MIB1: variants seen among roughly 807,000 people sequenced by gnomAD.
MIB1 encodes MIB E3 ubiquitin protein ligase 1.
MIB1 carries 278 observed loss-of-function variants against 124.5 expected under a neutral mutation model. That is an observed-to-expected ratio of 2.23 (90% CI 2.02 to 2.47). The LOEUF is 2.47. Among genes scored for constraint, MIB1 ranks in the 30% most tolerant of loss-of-function variants. The pLI is 0.00. For missense variants in MIB1, 957 were observed against 1,254.4 expected (o/e 0.76, Z 3.58); for synonymous variants, 446 against 429.4 (o/e 1.04, Z -0.48).
intron 10 of MIB1, among the ~76,000 whole-genome samples, chr18:21,806,907 C>T (rs142374923): frequency 7.5e-4 from 115 of 152,338 alleles, no homozygotes; most frequent in African/African-American, 2.7e-3. Context: ...AGGCGTGAGC[C>T]ACCGTGCCCA....
intron 7 of MIB1, among the ~76,000 whole-genome samples, chr18:21,792,758 G>A (rs1034113878): frequency 1.3e-5 from 2 of 152,120 alleles, no homozygotes; most frequent in African/African-American, 4.8e-5. Context: ...TCAGAGGTGC[G>A]ATTCTGAACT....
intron 1 of MIB1, among the ~76,000 whole-genome samples, chr18:21,762,117 AAAAATACTACTTC>A (rs2041105205): frequency 6.6e-6 from 1 of 152,362 alleles, no homozygotes; most frequent in Admixed American, 6.5e-5. Context: ...GGCACAGATT[AAAAATACTACTTC>A]AGTGCATGTT....
intron 15 of MIB1, among the ~76,000 whole-genome samples, chr18:21,844,718 T>C (rs1320949302): frequency 2.0e-5 from 3 of 152,008 alleles, no homozygotes; most frequent in Admixed American, 2.0e-4. Flanking sequence ...CCTGAGCCAC[T>C]GCGCCCAGCC....
intron 13 of MIB1, among the ~76,000 whole-genome samples, chr18:21,839,610 T>C (rs2042063717): frequency 6.6e-6 from 1 of 152,158 alleles, no homozygotes; most frequent in Admixed American, 6.5e-5. Flanking sequence ...GCTCAAGCAG[T>C]CCTCCTGCCT....
chr18:21,716,779 G>C (rs1044248689), intron 1 of MIB1, among the ~76,000 whole-genome samples: 1 of 152,176 alleles, frequency 6.6e-6, no homozygotes, highest in Non-Finnish European at 1.5e-5. Flanking sequence ...GTGAAGCCGG[G>C]AGGTGGAGCT....
intron 2 of MIB1, 119 bp downstream of exon 2, chr18:21,766,062 G>C: frequency 1.1e-6 from 1 of 915,174 alleles, no homozygotes; most frequent in Non-Finnish European, 1.7e-6. Flanking sequence ...ACTAACAGGA[G>C]GTACCCAATA....
In MIB1 at chr18:21,843,154, GA is replaced by G. The variant is rs1339235002; in HGVS notation, c.1988del (p.Asn663MetfsTer2). 2 of 1,602,158 alleles carry G rather than the reference GA, an allele frequency of 1.2e-6. No individual in the cohort carries two copies. ...HQGNANLDIQNVNQQTALHLA... is the reference protein window; with the variant it reads ...HQGNANLDIQXVNQQTALHLA... ...AGGGTAATGCAAACCTGGATATCCA[GA>G]ATGTGAACCAACAAACTGCCCTACA... On this transcript the variant is annotated frameshift_variant, in exon 14 of 21. Coordinates refer to ENST00000261537, the MANE Select transcript of MIB1 (RefSeq NM_020774.4). LOFTEE classifies it high-confidence loss of function.
chr18:21,843,906 A>G (rs1480087514), intron 14 of MIB1, among the ~76,000 whole-genome samples, 186 bp from the exon 15 acceptor site: 1 of 152,234 alleles, frequency 6.6e-6, no homozygotes, highest in Non-Finnish European at 1.5e-5. Context: ...TTAAATAACC[A>G]GAACACGTGA....
intron 1 of MIB1, among the ~76,000 whole-genome samples, chr18:21,719,298 T>C (rs774513183): frequency 1.3e-5 from 2 of 152,112 alleles, no homozygotes; most frequent in South Asian, 2.1e-4. Context: ...ATTATATCAC[T>C]GCATTCCAGC....
chr18:21,748,273 T>C (rs984366689), intron 1 of MIB1, among the ~76,000 whole-genome samples: 2 of 152,194 alleles, frequency 1.3e-5, no homozygotes, highest in South Asian at 2.1e-4. Context: ...AATGAAACTT[T>C]GTGATACATC....
Position 21,815,645 on chromosome 18 carries a change from T to C in MIB1, c.1509T>C (p.His503=), listed in dbSNP as rs1019649086. Residue 503 remains histidine (H), a synonymous_variant, in exon 11 of 21, where the codon CAT becomes CAC. Transcript: ENST00000261537. Reference sequence around the variant, plus strand: ...AAGATGGTGATAGAGCAGTTCACCATGCAGCTTTTGGAGATGAAGGCGCTG... The same window carrying C: ...AAGATGGTGATAGAGCAGTTCACCACGCAGCTTTTGGAGATGAAGGCGCTG... ...EDKDGDRAVH[H]AAFGDEGAVI... 7 of 1,614,088 alleles carry C rather than the reference T, an allele frequency of 4.3e-6. No homozygotes were observed. The Admixed American group carries it at 6.7e-5, about 15-fold the overall frequency.
intron 1 of MIB1, among the ~76,000 whole-genome samples, chr18:21,717,990 C>T (rs2040697243): frequency 6.6e-6 from 1 of 152,160 alleles, no homozygotes; most frequent in Non-Finnish European, 1.5e-5. Context: ...ATAGAACCAA[C>T]CCAAATGCCC....
At chr18:21,758,175 C>G (rs1474270463) in intron 1 of MIB1, among the ~76,000 whole-genome samples, 2 of 152,160 alleles carry the variant, frequency 1.3e-5, no homozygotes, top group African/African-American at 4.8e-5. Context: ...AAGCTTGGTA[C>G]TAATAGATAG....
chr18:21,857,883 G>GGCTT (rs2042242700), intron 19 of MIB1, among the ~76,000 whole-genome samples: 1 of 152,202 alleles, frequency 6.6e-6, no homozygotes, highest in Non-Finnish European at 1.5e-5. Context: ...TTAGTGTGTA[G>GGCTT]CAACTTCTGT....
chr18:21,802,940 G>A (rs1024285269), intron 9 of MIB1, among the ~76,000 whole-genome samples: 2 of 152,212 alleles, frequency 1.3e-5, no homozygotes, highest in Non-Finnish European at 2.9e-5. Flanking sequence ...TTGAGTTTGA[G>A]TAGTGGGCTT....
chr18:21,717,786 C>T lies in MIB1; in HGVS notation n.167+12663C>T, dbSNP rs138690121. The stretch of plus-strand genomic sequence containing the variant: ...ATGTGGTGAACGAAGAACACTTCTA[C>T]ACTGCTGGTGGGAATGTAAACTAGT... On this transcript the variant is annotated intron_variant and non_coding_transcript_variant, in intron 1 of 20. Coordinates refer to the MIB1 transcript ENST00000578646. Among the ~76,000 whole-genome samples the T allele has an allele frequency of 5.9e-3, 898 of 152,304 alleles. 7 individuals are homozygous for T. Among genetic ancestry groups the T allele is most frequent in the Admixed American group, 0.015 (229 of 15,288 alleles).
At chr18:21,787,884 C>G (rs1211288397) in intron 6 of MIB1, among the ~76,000 whole-genome samples, 3 of 151,612 alleles carry the variant, frequency 2.0e-5, no homozygotes, top group African/African-American at 7.3e-5. Flanking sequence ...AAATTGTATG[C>G]ACTTCCTCAC....
intron 17 of MIB1, among the ~76,000 whole-genome samples, chr18:21,852,705 G>T (rs6508645): frequency 0.97 from 147,391 of 152,296 alleles, 71,537 homozygotes; most frequent in East Asian, 1. Context: ...AAAATCCCTC[G>T]TGGATTTTAG....
chr18:21,804,698 C>G (rs1159591231), intron 10 of MIB1, among the ~76,000 whole-genome samples: 1 of 152,068 alleles, frequency 6.6e-6, no homozygotes, highest in East Asian at 1.9e-4. Context: ...AAATCAAATT[C>G]TAGCAAATTT....
Sources: allele counts gnomAD v4.1 joint callset (sites outside exome capture counted in the v4.1 genomes callset), GRCh38; gene constraint gnomAD v4.1.1; transcripts MANE v1.5; gene names NCBI Gene and HGNC (gene_info 2026-07-23, HGNC 2026-07-21).